The following CA10 variants were observed in gnomAD, a reference collection of about 807,000 sequenced individuals.
CA10 encodes the protein carbonic anhydrase-related protein 10.
Under a neutral mutation model 44.2 loss-of-function variants are expected in CA10, and 14 were observed. The ratio of observed to expected loss-of-function variants is 0.32; its 90% CI spans 0.21 to 0.50. The LOEUF is 0.50. CA10 is among the 20% of genes least tolerant of loss of function. The pLI, the probability that CA10 is intolerant of heterozygous loss-of-function variation, is 0.99. For synonymous variants in CA10, 159 were observed against 141.6 expected, an observed-to-expected ratio of 1.12 and a Z score of -0.87; for missense variants, 350 against 409.7, an observed-to-expected ratio of 0.85 and a Z score of 1.26.
intron 2 of CA10, among the ~76,000 whole-genome samples, chr17:52,015,730 C>T (rs1238526996): frequency 2.0e-5 from 3 of 152,194 alleles, no homozygotes; most frequent in Admixed American, 6.5e-5. Flanking sequence ...GAAATGAGCA[C>T]ATATTTGCAA....
At chr17:52,058,219 AT>A (rs1987283125) in intron 2 of CA10, among the ~76,000 whole-genome samples, 1 of 152,168 alleles carries the variant, frequency 6.6e-6, no homozygotes, top group South Asian at 2.1e-4. Flanking sequence ...GAACTCAGTA[AT>A]GGTACAATTG....
chr17:51,832,265 T>G, intron 3 of CA10, among the ~76,000 whole-genome samples: 1 of 152,140 alleles, frequency 6.6e-6, no homozygotes, highest in East Asian at 1.9e-4. Context: ...TGATAAGCAA[T>G]AACTATTTTA....
Position 52,065,859 on chromosome 17 carries a change from C to T in CA10, c.136+6460G>A, listed in dbSNP as rs887289814. On this transcript the variant is annotated intron_variant, in intron 2 of 8. Transcript: ENST00000451037. Reference sequence around the variant, plus strand: ...CTTGAATTGTAGTTCACATAATCCCCATATGTTGTAGGAGGGACCTGGTGG... The same window carrying T: ...CTTGAATTGTAGTTCACATAATCCCTATATGTTGTAGGAGGGACCTGGTGG... Among the ~76,000 whole-genome samples, 4 of 152,172 alleles carry T rather than the reference C, an allele frequency of 2.6e-5. No individual in the cohort carries two copies. The East Asian group carries it at 5.8e-4, about 22-fold the overall frequency.
At chr17:52,030,100 C>G (rs1234430039) in intron 2 of CA10, among the ~76,000 whole-genome samples, 3 of 152,180 alleles carry the variant, frequency 2.0e-5, no homozygotes, top group African/African-American at 7.2e-5. Context: ...CGTGTAGTAG[C>G]AAAGGCTTCT....
chr17:52,141,632 G>A (rs1483888835), intron 1 of CA10, among the ~76,000 whole-genome samples: 3 of 152,188 alleles, frequency 2.0e-5, no homozygotes, highest in Admixed American at 2.0e-4. Context: ...GAATGAGCAT[G>A]ACTGTGTCCC....
intron 2 of CA10, among the ~76,000 whole-genome samples, chr17:52,070,073 T>C (rs1266487963): frequency 6.6e-6 from 1 of 152,206 alleles, no homozygotes; most frequent in Non-Finnish European, 1.5e-5. Context: ...AGTTGCTTAA[T>C]CCACAAATTC....
intron 1 of CA10, among the ~76,000 whole-genome samples, chr17:52,156,090 A>C (rs9904722): frequency 6.6e-6 from 1 of 152,192 alleles, no homozygotes; most frequent in Non-Finnish European, 1.5e-5. Context: ...TATAAATCTT[A>C]AAGGTACTCA....
intron 2 of CA10, among the ~76,000 whole-genome samples, chr17:52,046,651 G>C (rs189187777): frequency 1.3e-5 from 2 of 151,884 alleles, no homozygotes; most frequent in African/African-American, 4.8e-5. Context: ...GAAAATAGAA[G>C]ATGATGGAAC....
chr17:52,052,059 A>G (rs1987086990), intron 2 of CA10, among the ~76,000 whole-genome samples: 1 of 151,948 alleles, frequency 6.6e-6, no homozygotes, highest in Admixed American at 6.6e-5. Context: ...ATTCTCACTT[A>G]TAAGTGGGAG....
intron 2 of CA10, among the ~76,000 whole-genome samples, chr17:52,035,699 C>T (rs1201219937): frequency 1.3e-5 from 2 of 152,218 alleles, no homozygotes; most frequent in Non-Finnish European, 2.9e-5. Context: ...ATGGAGTTCA[C>T]TCCTGCTGGT....
chr17:51,856,297 G>T (rs531814580), intron 3 of CA10, among the ~76,000 whole-genome samples: 1 of 151,946 alleles, frequency 6.6e-6, no homozygotes, highest in Non-Finnish European at 1.5e-5. Flanking sequence ...TTTGTTTCCC[G>T]ATGTTAATTC....
chr17:51,830,066 G>A (rs1053784449), intron 3 of CA10, among the ~76,000 whole-genome samples: 9 of 151,890 alleles, frequency 5.9e-5, no homozygotes, highest in Admixed American at 2.0e-4. Flanking sequence ...GTGTGTTGGC[G>A]CATGCCTGTC....
At chr17:51,889,553 CAAACA>C (rs1336925762) in intron 3 of CA10, among the ~76,000 whole-genome samples, 4 of 151,850 alleles carry the variant, frequency 2.6e-5, no homozygotes, top group African/African-American at 4.8e-5. Flanking sequence ...CAAACCAAAC[CAAACA>C]AAACAAAATA....
At chr17:51,884,590 T>C (rs1184795317) in intron 3 of CA10, among the ~76,000 whole-genome samples, 1 of 152,074 alleles carries the variant, frequency 6.6e-6, no homozygotes, top group Non-Finnish European at 1.5e-5. Context: ...TCCTACCCTC[T>C]CTGTATTTCC....
intron 4 of CA10, among the ~76,000 whole-genome samples, chr17:51,680,248 C>T (rs533869321): frequency 1.8e-4 from 28 of 152,076 alleles, no homozygotes; most frequent in East Asian, 9.6e-4. Flanking sequence ...GAGTGGCAGC[C>T]GTTGGGGAGG....
chr17:51,696,300 C>CT (rs940994372), intron 4 of CA10, among the ~76,000 whole-genome samples: 1 of 151,840 alleles, frequency 6.6e-6, no homozygotes, highest in Non-Finnish European at 1.5e-5. Flanking sequence ...CTGATTTGGC[C>CT]TTTTTTTGGT....
At chr17:51,747,542 C>T (rs1307426804) in intron 4 of CA10, 91 bp downstream of exon 4, 1 of 1,031,540 alleles carries the variant, frequency 9.7e-7, no homozygotes, top group East Asian at 2.5e-5. Flanking sequence ...TAGAGCGAAT[C>T]CCTTTGTTAT....
chr17:51,726,323 T>A (rs541266899), intron 4 of CA10, among the ~76,000 whole-genome samples: 5 of 152,316 alleles, frequency 3.3e-5, no homozygotes, highest in Admixed American at 6.5e-5. Flanking sequence ...GGATTCAAAA[T>A]TTCAGTTTAG....
At chr17:52,094,157 G>A (rs1357322183) in intron 1 of CA10, among the ~76,000 whole-genome samples, 1 of 152,088 alleles carries the variant, frequency 6.6e-6, no homozygotes, top group African/African-American at 2.4e-5. Flanking sequence ...GTGGGGGCTG[G>A]GGGAGGAATA....
Sources: allele counts gnomAD v4.1 joint callset (sites outside exome capture counted in the v4.1 genomes callset), GRCh38; gene constraint gnomAD v4.1.1; transcripts MANE v1.5; gene names NCBI Gene and HGNC (gene_info 2026-07-23, HGNC 2026-07-21).